The following ME2 variants were observed in gnomAD, a reference collection of about 807,000 sequenced individuals.
ME2 encodes NAD-dependent malic enzyme, mitochondrial.
ME2 carries 60 observed loss-of-function variants against 73.7 expected under a neutral mutation model. That is an observed-to-expected ratio of 0.81 (90% CI 0.66 to 1.01). The LOEUF (loss-of-function observed/expected upper bound fraction) is 1.01. Among genes scored for constraint, ME2 ranks in the 50% least tolerant of loss-of-function variants. ME2 has a pLI of 0.00. For synonymous variants in ME2, 199 were observed against 236.9 expected (o/e 0.84, Z 1.47); for missense variants, 594 against 705.5 (o/e 0.84, Z 1.79).
chr18:50,937,103 C>A (rs1917836160), intron 13 of ME2, among the ~76,000 whole-genome samples: 1 of 150,812 alleles, frequency 6.6e-6, no homozygotes, highest in Non-Finnish European at 1.5e-5. Context: ...ATAGGCAAGA[C>A]AAGATGAGAT....
Position 50,947,471 on chromosome 18 carries a change from G to C in ME2, c.*287G>C. 3.2e-6 allele frequency: 1 copy of C among 308,514 alleles called. No homozygotes were observed. The highest frequency in any genetic ancestry group is 5.9e-6 in the Non-Finnish European group (1 of 168,410). 19.1% of individuals were successfully genotyped at this position (308,514 alleles called of 1,614,324 possible). A position where few individuals can be genotyped will look rare whatever the true frequency, so the allele number is the denominator to read the frequency against. On this transcript the variant is annotated 3_prime_UTR_variant, in exon 16 of 16. Transcript: ENST00000321341. ...AGTGTGTTTGTGAATGTCTTCACTT[G>C]TACTCTAATTCAGACTTGCCAAAGT...
At chr18:50,886,486 C>A (rs1002670309) in intron 1 of ME2, among the ~76,000 whole-genome samples, 1 of 151,946 alleles carries the variant, frequency 6.6e-6, no homozygotes, top group African/African-American at 2.4e-5. Flanking sequence ...TCAAGTGATC[C>A]GCTCACCTCA....
At chr18:50,938,145 T>C (rs1173876755) in intron 13 of ME2, among the ~76,000 whole-genome samples, 3 of 151,918 alleles carry the variant, frequency 2.0e-5, no homozygotes, top group Non-Finnish European at 4.4e-5. Flanking sequence ...CTGGGCAACA[T>C]AGTAAAACCC....
intron 13 of ME2, among the ~76,000 whole-genome samples, chr18:50,935,968 C>T (rs1358760038): frequency 2.6e-5 from 4 of 151,950 alleles, no homozygotes; most frequent in Non-Finnish European, 5.9e-5. Context: ...CATGTGCCGG[C>T]CTCATGGCTG....
At position 50,950,528 on chromosome 18, in the gene ME2, C is replaced by T. The variant is rs1287957949; in HGVS notation, c.*3344C>T. The T allele has an allele frequency of 1.7e-5, 2 of 117,196 alleles. No homozygotes were observed. The highest frequency in any genetic ancestry group is 3.4e-5 in the Non-Finnish European group (2 of 59,582). The allele number at this position is 117,196 out of a possible 1,614,324, so 7.3% of individuals were successfully genotyped here. On this transcript the variant is annotated 3_prime_UTR_variant, in exon 16 of 16. Transcript: ENST00000321341. ...GTCTCTTTCTTTTTCCTTTCTCACT[C>T]AGGCTGCAGTGAGTGGCGTGATCTT... is the stretch of plus-strand genomic sequence containing the variant.
intron 1 of ME2, among the ~76,000 whole-genome samples, chr18:50,892,294 G>C (rs1377439028): frequency 6.6e-6 from 1 of 152,126 alleles, no homozygotes; most frequent in South Asian, 2.1e-4. Context: ...TGAGTCTAAA[G>C]CTCCATAAAG....
intron 7 of ME2, among the ~76,000 whole-genome samples, chr18:50,919,672 C>T (rs1365968083): frequency 6.6e-6 from 1 of 152,118 alleles, no homozygotes; most frequent in Non-Finnish European, 1.5e-5. Context: ...CTGCCACTCC[C>T]GTCTCCCCAC....
intron 15 of ME2, among the ~76,000 whole-genome samples, chr18:50,940,854 A>G (rs1917932719): frequency 6.6e-6 from 1 of 152,112 alleles, no homozygotes; most frequent in Non-Finnish European, 1.5e-5. Flanking sequence ...AATAATTCTC[A>G]TGTATGTGAT....
intron 1 of ME2, among the ~76,000 whole-genome samples, chr18:50,880,473 G>C (rs1274931702): frequency 1.3e-5 from 2 of 152,212 alleles, no homozygotes; most frequent in Non-Finnish European, 2.9e-5. Flanking sequence ...AATTAGATGA[G>C]AGAAACAGTT....
rs140941531 is a variant in ME2 at position 50,918,484 on chromosome 18, G to A, written c.734+271G>A. Among the ~76,000 whole-genome samples the A allele has an allele frequency of 1.8e-3, 270 of 152,260 alleles. 2 individuals carry two copies. The highest frequency in any genetic ancestry group is 2.7e-3 in the Non-Finnish European group (186 of 68,036). ...GCTTCCATCAAACGCTTACTGCTCA[G>A]TACCTTTTTCAGCCTTGACCTTCAG... On this transcript the variant is annotated intron_variant, in intron 7 of 15. Transcript: ENST00000321341.
intron 10 of ME2, 66 bp downstream of exon 10, chr18:50,921,253 T>C (rs1443926214): frequency 2.5e-6 from 2 of 791,490 alleles, no homozygotes; most frequent in South Asian, 2.1e-5. Context: ...TTTTAAAATA[T>C]TATTCCTTAA....
At chr18:50,907,596 C>T (rs868220199) in intron 2 of ME2, among the ~76,000 whole-genome samples, 1 of 152,208 alleles carries the variant, frequency 6.6e-6, no homozygotes, top group Non-Finnish European at 1.5e-5. Flanking sequence ...ATCATTTCTT[C>T]TATCCCCTTT....
At chr18:50,885,833 C>T (rs1158561205) in intron 1 of ME2, among the ~76,000 whole-genome samples, 4 of 152,074 alleles carry the variant, frequency 2.6e-5, no homozygotes, top group African/African-American at 4.8e-5. Context: ...AATAAAGTGA[C>T]ATGGAGCTTT....
chr18:50,882,328 T>G, intron 1 of ME2, among the ~76,000 whole-genome samples: 1 of 152,188 alleles, frequency 6.6e-6, no homozygotes, highest in East Asian at 1.9e-4. Context: ...GAACTTGCCC[T>G]TTGACCACTC....
At chr18:50,904,449 T>A (rs935934104) in intron 2 of ME2, among the ~76,000 whole-genome samples, 5 of 151,908 alleles carry the variant, frequency 3.3e-5, no homozygotes, top group African/African-American at 4.8e-5. Context: ...TGGCTTATTT[T>A]TTTTTTGTAT....
At chr18:50,921,915 A>G (rs1211642649) in intron 10 of ME2, among the ~76,000 whole-genome samples, 1 of 152,210 alleles carries the variant, frequency 6.6e-6, no homozygotes, top group Non-Finnish European at 1.5e-5. Context: ...CATTTTCACT[A>G]GCTTAAGAAT....
chr18:50,898,321 T>G (rs774668708), intron 2 of ME2, among the ~76,000 whole-genome samples: 12 of 152,254 alleles, frequency 7.9e-5, no homozygotes, highest in Non-Finnish European at 1.5e-4. Flanking sequence ...TTTAACTATT[T>G]AAAAGTATAC....
At chr18:50,913,119 A>T (rs1297886653) in intron 4 of ME2, 169 bp downstream of exon 4, 1 of 481,706 alleles carries the variant, frequency 2.1e-6, no homozygotes, top group East Asian at 3.5e-5. Context: ...ACATATTCAT[A>T]ACTTTTATCT....
At position 50,910,293 on chromosome 18, in the gene ME2, G is replaced by T. The variant is rs534620197; in HGVS notation, c.242+2097G>T. Among the ~76,000 whole-genome samples, 21 of 73,104 alleles carry T rather than the reference G, an allele frequency of 2.9e-4. No individual in the cohort carries two copies. The East Asian group carries it at 7.5e-3, about 26-fold the overall frequency. 48.0% of individuals were successfully genotyped at this position (73,104 alleles called of 152,430 possible). A position where few individuals can be genotyped will look rare whatever the true frequency, so the allele number is the denominator to read the frequency against. ...CAAAAAAAAAAAAAAAAAAAAAAAA[G>T]CCAGGCATGGTGTCGCATACCTATA... On this transcript the variant is annotated intron_variant, in intron 3 of 15. Transcript: ENST00000321341.
Sources: allele counts gnomAD v4.1 joint callset (sites outside exome capture counted in the v4.1 genomes callset), GRCh38; gene constraint gnomAD v4.1.1; transcripts MANE v1.5; gene names NCBI Gene and HGNC (gene_info 2026-07-23, HGNC 2026-07-21).